Variants in LCA5 observed in about 807,000 individuals in gnomAD.
LCA5 encodes lebercilin.
A neutral mutation model predicts 53.0 loss-of-function variants in LCA5; 37 were observed. That is an observed-to-expected ratio of 0.70 (90% confidence interval 0.54 to 0.92). The LOEUF is 0.92. Among genes scored for constraint, LCA5 ranks in the 40% least tolerant of loss-of-function variants. The pLI, the probability that LCA5 is intolerant of heterozygous loss-of-function variation, is 0.00. For missense variants in LCA5, 806 were observed against 790.5 expected, an observed-to-expected ratio of 1.02 and a Z score of -0.23; for synonymous variants, 303 against 282.9, an observed-to-expected ratio of 1.07 and a Z score of -0.71.
At chr6:79,491,365 G>T (rs570548781) in intron 6 of LCA5, among the ~76,000 whole-genome samples, 1 of 152,064 alleles carries the variant, frequency 6.6e-6, no homozygotes, top group Non-Finnish European at 1.5e-5. Flanking sequence ...TGCCATGCTG[G>T]TGTGCTGCAC....
upstream of LCA5, among the ~76,000 whole-genome samples, chr6:79,538,554 T>C (rs1163775364): frequency 6.6e-6 from 1 of 152,240 alleles, no homozygotes; most frequent in African/African-American, 2.4e-5. Context: ...TGCACGGAAT[T>C]ACTTTTCATC....
intron 3 of LCA5, among the ~76,000 whole-genome samples, chr6:79,509,456 A>G (rs1355487780): frequency 6.7e-6 from 1 of 150,180 alleles, no homozygotes; most frequent in African/African-American, 2.4e-5. Flanking sequence ...TCCGTCTCAA[A>G]AAAAAAAAAA....
upstream of LCA5, among the ~76,000 whole-genome samples, chr6:79,538,200 G>A (rs183336778): frequency 3.5e-4 from 53 of 151,838 alleles, no homozygotes; most frequent in Non-Finnish European, 4.9e-4. Flanking sequence ...CGAGCCATCT[G>A]ATTATCAAGG....
At chr6:79,528,022 C>G (rs1025972906) in intron 1 of LCA5, among the ~76,000 whole-genome samples, 6 of 152,128 alleles carry the variant, frequency 3.9e-5, no homozygotes, top group Non-Finnish European at 7.4e-5. Flanking sequence ...TCGAATGGGT[C>G]AAATTTTCGG....
intron 3 of LCA5, among the ~76,000 whole-genome samples, chr6:79,501,805 G>C (rs1472576456): frequency 3.3e-5 from 5 of 150,440 alleles, no homozygotes; most frequent in Non-Finnish European, 7.4e-5. Context: ...ATAATATATA[G>C]AGTTCTCTAT....
chr6:79,512,491 ATTTGTAGTTCTGAGC>A (rs2127679336), intron 3 of LCA5, among the ~76,000 whole-genome samples: 1 of 152,270 alleles, frequency 6.6e-6, no homozygotes, highest in South Asian at 2.1e-4. Context: ...AACCTAATTT[ATTTGTAGTTCTGAGC>A]TTCCTTTGCT....
intron 3 of LCA5, among the ~76,000 whole-genome samples, chr6:79,500,239 C>A (rs1252251356): frequency 6.6e-6 from 1 of 152,086 alleles, no homozygotes; most frequent in Non-Finnish European, 1.5e-5. Flanking sequence ...AATTTCAAAA[C>A]ATCTTTAAAC....
chr6:79,498,310 T>C (rs1770039184), intron 3 of LCA5, among the ~76,000 whole-genome samples: 1 of 152,168 alleles, frequency 6.6e-6, no homozygotes, highest in Admixed American at 6.6e-5. Context: ...GTGTTCTTTG[T>C]ACTGTTTTCA....
intron 6 of LCA5, 60 bp downstream of exon 6, chr6:79,491,505 CTGAAATTTTAAAATGTCTGATAT>C (rs1769840864): frequency 6.9e-7 from 1 of 1,439,188 alleles, no homozygotes; most frequent in Admixed American, 1.7e-5. Flanking sequence ...AGCTTCATTA[CTGAAATTTTAAAATGTCTGATAT>C]TGTGTTTTTA....
intron 1 of LCA5, among the ~76,000 whole-genome samples, chr6:79,532,844 C>T (rs1157433564): frequency 6.6e-6 from 1 of 152,074 alleles, no homozygotes; most frequent in Admixed American, 6.6e-5. Context: ...CTGTTTAGTT[C>T]ACCATAGTAA....
chr6:79,538,028 T>TG (rs1767209503), upstream of LCA5, among the ~76,000 whole-genome samples: 4 of 93,692 alleles, frequency 4.3e-5, no homozygotes, highest in African/African-American at 2.1e-4. Context: ...GTTTTTTTTT[T>TG]TTTTTTTTTT....
intron 1 of LCA5, among the ~76,000 whole-genome samples, chr6:79,530,727 C>A (rs922571616): frequency 6.6e-6 from 1 of 151,730 alleles, no homozygotes; most frequent in Non-Finnish European, 1.5e-5. Flanking sequence ...GAAACTTAGA[C>A]ACTTGTGAAA....
Position 79,489,130 on chromosome 6 carries a change from A to G in LCA5, c.1185T>C (p.Asp395=), listed in dbSNP as rs1769761927. 1.9e-6 allele frequency: 3 copies of G among 1,613,222 alleles called. No individual in the cohort carries two copies. Residue 395 remains aspartate, a synonymous_variant, in exon 7 of 8, where the codon GAT becomes GAC. Coordinates refer to ENST00000369846, the MANE Select transcript of LCA5 (RefSeq NM_001122769.3). ...CCTGTTTTACGACATGGAGTTCTTC[A>G]TCTGTAACAAATTTTTCTTCTCTTT... is the stretch of plus-strand genomic sequence containing the variant. The part of the protein sequence containing the change: ...IMEREEKFVT[D]EELHVVKQEV...
At chr6:79,515,144 T>A (rs1766389927) in intron 2 of LCA5, among the ~76,000 whole-genome samples, 1 of 152,174 alleles carries the variant, frequency 6.6e-6, no homozygotes, top group Admixed American at 6.6e-5. Flanking sequence ...ATTTATCACT[T>A]AACTCTCTGG....
upstream of LCA5, among the ~76,000 whole-genome samples, chr6:79,537,632 C>T (rs1018054718): frequency 1.3e-5 from 2 of 152,184 alleles, no homozygotes; most frequent in Non-Finnish European, 2.9e-5. Flanking sequence ...CGGAGCGCTC[C>T]AGGCTCCTAC....
chr6:79,523,282 ATCTT>A (rs1168429686), intron 1 of LCA5, among the ~76,000 whole-genome samples: 3 of 152,174 alleles, frequency 2.0e-5, no homozygotes, highest in Non-Finnish European at 4.4e-5. Flanking sequence ...ATCAGCCTGA[ATCTT>A]TCACTCTGCA....
intron 6 of LCA5, among the ~76,000 whole-genome samples, chr6:79,490,815 C>T (rs975555537): frequency 6.6e-6 from 1 of 151,978 alleles, no homozygotes; most frequent in East Asian, 1.9e-4. Context: ...ATGAAATATG[C>T]TAGGTTGCCG....
intron 1 of LCA5, among the ~76,000 whole-genome samples, chr6:79,534,877 A>G (rs1436011172): frequency 6.6e-6 from 1 of 152,172 alleles, no homozygotes; most frequent in African/African-American, 2.4e-5. Flanking sequence ...CAAATACTTT[A>G]CAACTGTGCT....
chr6:79,513,847 C>G lies in LCA5; in HGVS notation c.191-106G>C, dbSNP rs1440417067. 4.6e-6 allele frequency: 5 copies of G among 1,078,006 alleles called. No individual in the cohort carries two copies. In the African/African-American group the frequency reaches 6.3e-5, roughly 14 times the overall value. 66.8% of individuals were successfully genotyped at this position (1,078,006 alleles called of 1,614,324 possible). ...CGTAACATTCTTTAGTTATTTTTGT[C>G]TTTAAGAAAGGATTTTACAATATTT... On this transcript the variant is annotated intron_variant, in intron 2 of 7. Transcript: ENST00000369846.
Sources: gnomAD v4.1 joint callset for allele counts (sites outside exome capture counted in the v4.1 genomes callset) on GRCh38, gnomAD v4.1.1 for gene constraint, MANE v1.5 for transcripts, NCBI Gene and HGNC (gene_info 2026-07-23, HGNC 2026-07-21) for gene names.